Variants in DNAH5 observed in about 807,000 individuals in gnomAD.
DNAH5 encodes dynein axonemal heavy chain 5, also known as axonemal beta dynein heavy chain 5.
A neutral mutation model predicts 518.2 loss-of-function variants in DNAH5; 372 were observed. That is an observed-to-expected ratio of 0.72 (90% CI 0.66 to 0.78). DNAH5 has a LOEUF of 0.78. Among genes scored for constraint, DNAH5 ranks in the 30% least tolerant of loss-of-function variants. The probability of loss-of-function intolerance (pLI) is 0.00; values close to 1 mark genes in which losing one functional copy is unlikely to be tolerated. For synonymous variants in DNAH5, 2,039 were observed against 2,025.9 expected, an observed-to-expected ratio of 1.01 and a Z score of -0.17; for missense variants, 5,523 against 5,687.0, an observed-to-expected ratio of 0.97 and a Z score of 0.93.
Position 13,762,909 on chromosome 5 carries a change from A to C in DNAH5, c.10102-8T>G. Reference sequence around the variant, plus strand: ...TGTGTCTTTTGGGAATTGCTATGGAAGAAAAGAGTAAAATAAAGTCGAAAC... The same window carrying C: ...TGTGTCTTTTGGGAATTGCTATGGACGAAAAGAGTAAAATAAAGTCGAAAC... On this transcript the variant is annotated splice_polypyrimidine_tract_variant and splice_region_variant and intron_variant, in intron 59 of 78. Transcript: ENST00000265104. The C allele has an allele frequency of 6.2e-7, 1 of 1,611,758 alleles. No homozygotes were observed. Among genetic ancestry groups the C allele is most frequent in the East Asian group, 2.2e-5 (1 of 44,864 alleles).
intron 1 of DNAH5, among the ~76,000 whole-genome samples, chr5:13,957,843 T>A (rs1355225189): frequency 6.6e-6 from 1 of 151,422 alleles, no homozygotes; most frequent in African/African-American, 2.4e-5. Flanking sequence ...ATGAAAATAA[T>A]AAAAATTGAT....
At chr5:13,867,687 A>G in intron 25 of DNAH5, 87 bp downstream of exon 25, 1 of 1,080,328 alleles carries the variant, frequency 9.3e-7, no homozygotes. Flanking sequence ...TTTCACAGAA[A>G]TTTACCCATA....
intron 1 of DNAH5, among the ~76,000 whole-genome samples, chr5:13,987,361 C>A (rs1783124754): frequency 6.6e-6 from 1 of 151,960 alleles, no homozygotes; most frequent in East Asian, 1.9e-4. Context: ...TTTCTGATAA[C>A]TGAAAATGTA....
chr5:13,973,887 C>T (rs1782048101), intron 1 of DNAH5, among the ~76,000 whole-genome samples: 1 of 152,178 alleles, frequency 6.6e-6, no homozygotes. Flanking sequence ...TCTGCAAGGA[C>T]ATCTGTCCAT....
chr5:13,848,906 T>C (rs1054532005), intron 31 of DNAH5, among the ~76,000 whole-genome samples: 1 of 152,144 alleles, frequency 6.6e-6, no homozygotes, highest in Non-Finnish European at 1.5e-5. Context: ...GGTGCCGAGG[T>C]TTGGGGACCC....
chr5:13,727,671 G>A lies in DNAH5; in HGVS notation c.11884-15C>T, dbSNP rs777979824. On this transcript the variant is annotated splice_polypyrimidine_tract_variant and intron_variant, in intron 69 of 78. Transcript: ENST00000265104. ...TTTCTCGATATCTGAAAATACCATG[G>A]GATAAAAACTGTGTCATGCCACCCA... 1.7e-5 allele frequency: 28 copies of A among 1,613,294 alleles called. No homozygotes were observed. Among genetic ancestry groups the A allele is most frequent in the Non-Finnish European group, 2.3e-5 (27 of 1,179,602 alleles).
intron 32 of DNAH5, among the ~76,000 whole-genome samples, chr5:13,843,566 C>T (rs953854845): frequency 3.9e-5 from 6 of 152,148 alleles, no homozygotes; most frequent in Non-Finnish European, 2.9e-5. Flanking sequence ...CCTCTAGCCT[C>T]CAGAACTTTG....
chr5:13,711,772 A>G (rs1296465051), intron 75 of DNAH5, among the ~76,000 whole-genome samples: 1 of 152,190 alleles, frequency 6.6e-6, no homozygotes, highest in Non-Finnish European at 1.5e-5. Flanking sequence ...CCCCTTTTAC[A>G]ATAGCTGCAA....
In DNAH5 at chr5:13,828,712, G is replaced by C. The variant is rs1354247621; in HGVS notation, c.6444+798C>G. Reference sequence around the variant, plus strand: ...CTGTAGGAACTAAAGGTGGCCTCCAGAAAATAGCCAGCAAGAAATCGAAGC... The same window carrying C: ...CTGTAGGAACTAAAGGTGGCCTCCACAAAATAGCCAGCAAGAAATCGAAGC... On this transcript the variant is annotated intron_variant, in intron 38 of 78. Transcript: ENST00000265104. Among the ~76,000 whole-genome samples, 3 of 152,208 alleles carry C rather than the reference G, an allele frequency of 2.0e-5. No homozygotes were observed. In the East Asian group the frequency reaches 5.8e-4, roughly 29 times the overall value.
At chr5:13,951,503 AGCCACCATGCCTG>A (rs1323798691) in intron 1 of DNAH5, among the ~76,000 whole-genome samples, 2 of 152,112 alleles carry the variant, frequency 1.3e-5, no homozygotes, top group Admixed American at 6.5e-5. Context: ...TACAGGCGTG[AGCCACCATGCCTG>A]GCCCATATTC....
chr5:13,708,476 G>T (rs72730641), intron 75 of DNAH5, 141 bp from the exon 76 acceptor site: 6 of 623,046 alleles, frequency 9.6e-6, no homozygotes, highest in African/African-American at 7.8e-5. Context: ...ATGGCAAAAA[G>T]AAAAAAAAAA....
In DNAH5 at chr5:13,923,432, C is replaced by T. The variant is rs1215940712; in HGVS notation, c.286G>A (p.Gly96Ser). ...DVEEAETGQL[G>S]SLGGVNLVSG... ...ACAAGATTTACCCCTCCTAGAGAGC[C>T]AAGTTGTCCTACAAAAGCAAAATAA... Residue 96 changes from glycine (G) to serine (S), a missense_variant, in exon 4 of 79, where the codon GGC (glycine) becomes AGC (serine). Transcript: ENST00000265104. The T allele has an allele frequency of 6.2e-7, 1 of 1,614,036 alleles. No individual in the cohort carries two copies. The highest frequency in any genetic ancestry group is 8.5e-7 in the Non-Finnish European group (1 of 1,179,976).
At chr5:13,816,554 G>GA (rs758831831) in intron 42 of DNAH5, among the ~76,000 whole-genome samples, 2,585 of 113,532 alleles carry the variant, frequency 0.023, 30 homozygotes, top group Middle Eastern at 0.053. Context: ...GTGGAAAGGG[G>GA]AAAAAAAAAA....
At chr5:13,917,082 C>G in intron 8 of DNAH5, 61 bp downstream of exon 8, 1 of 1,285,508 alleles carries the variant, frequency 7.8e-7, no homozygotes, top group Non-Finnish European at 1.1e-6. Flanking sequence ...ATTCAATATT[C>G]AATTCAGCTA....
intron 1 of DNAH5, among the ~76,000 whole-genome samples, chr5:13,951,658 G>C (rs1007319986): frequency 6.6e-6 from 1 of 152,224 alleles, no homozygotes; most frequent in Admixed American, 6.5e-5. Context: ...GTTAACAACG[G>C]GGAGAAACTC....
chr5:13,877,263 C>A (rs953066512), intron 21 of DNAH5, among the ~76,000 whole-genome samples: 1 of 152,176 alleles, frequency 6.6e-6, no homozygotes, highest in African/African-American at 2.4e-5. Flanking sequence ...TGTCTGGGAG[C>A]TCCCTGGAAA....
rs1489264409 is a variant in DNAH5, at chr5:13,770,848, C to T, written c.9506G>A (p.Arg3169His). 1.5e-5 allele frequency: 24 copies of T among 1,613,928 alleles called. No individual in the cohort carries two copies. Among genetic ancestry groups the T allele is most frequent in the Admixed American group, 1.0e-4 (6 of 59,980 alleles). ...TGATTTGGGCGTCACGTGGGTAGAA[C>T]GTCGGAATCTCTGAAAATAATCAAC... ...KCVDYFQRFR[R>H]STHVTPKSYL... The change falls in exon 56 of 79, where the codon CGT becomes CAT. Residue 3169 changes from arginine (R) to histidine (H), a missense_variant. Around this residue, in one of 3 missense-constraint regions of DNAH5, gnomAD observed 5,121 missense variants for 5,223.3 expected, o/e 0.98. Transcript: ENST00000265104.
At chr5:13,892,865 T>C (rs1337261634) in intron 16 of DNAH5, among the ~76,000 whole-genome samples, 6 of 152,240 alleles carry the variant, frequency 3.9e-5, no homozygotes, top group Non-Finnish European at 8.8e-5. Flanking sequence ...AATCGGGTTC[T>C]AAACTCATTA....
upstream of DNAH5, among the ~76,000 whole-genome samples, chr5:13,945,548 A>G (rs1399871686): frequency 6.6e-6 from 1 of 152,174 alleles, no homozygotes; most frequent in African/African-American, 2.4e-5. Context: ...TTAGACCTCA[A>G]TATTATTTGG....
Sources: allele counts gnomAD v4.1 joint callset (sites outside exome capture counted in the v4.1 genomes callset), GRCh38; gene constraint gnomAD v4.1.1; regional missense constraint gnomAD v4.1.1; transcripts MANE v1.5; gene names NCBI Gene and HGNC (gene_info 2026-07-23, HGNC 2026-07-21).